Variants in WNT5B observed in about 807,000 individuals in gnomAD.
WNT5B encodes Wnt family member 5B.
A neutral mutation model predicts 36.5 loss-of-function variants in WNT5B; 18 were observed. That is an observed-to-expected ratio of 0.49 (90% CI 0.34 to 0.73). WNT5B has a LOEUF of 0.73. WNT5B is among the 30% of genes least tolerant of loss of function. The pLI is 0.01. For missense variants in WNT5B, 424 were observed against 508.4 expected (o/e 0.83, Z 1.60); for synonymous variants, 213 against 212.3 (o/e 1.00, Z -0.03).
At chr12:1,635,483 C>T (rs1364307910) in intron 3 of WNT5B, among the ~76,000 whole-genome samples, 4 of 152,162 alleles carry the variant, frequency 2.6e-5, no homozygotes, top group African/African-American at 7.2e-5. Context: ...CATAAGGAGG[C>T]GTATTTCAGC....
intron 3 of WNT5B, among the ~76,000 whole-genome samples, chr12:1,635,663 G>A (rs546821561): frequency 4.6e-5 from 7 of 152,342 alleles, no homozygotes; most frequent in African/African-American, 1.7e-4. Flanking sequence ...GTTCCAGGAT[G>A]CCATGTCAGG....
intron 1 of WNT5B, among the ~76,000 whole-genome samples, chr12:1,623,417 C>G (rs897822261): frequency 4.1e-4 from 60 of 147,070 alleles, no homozygotes; most frequent in Middle Eastern, 3.6e-3. Context: ...GGATGGTCTC[C>G]ATCTCCTGAC....
chr12:1,635,567 C>G (rs779998283), intron 3 of WNT5B, among the ~76,000 whole-genome samples: 16 of 152,202 alleles, frequency 1.1e-4, no homozygotes, highest in Non-Finnish European at 1.9e-4. Context: ...GAAAACCTAG[C>G]CCACTGGTCT....
rs765486059 is a variant in WNT5B, at chr12:1,631,403, G to A, written c.49G>A (p.Ala17Thr). The A allele has an allele frequency of 1.2e-6, 2 of 1,614,150 alleles. No individual in the cohort carries two copies. Among genetic ancestry groups the A allele is most frequent in the Non-Finnish European group, 1.7e-6 (2 of 1,180,030 alleles). ...LFTAALLSSW[A>T]QLLTDANSWW... is the part of the protein sequence containing the mutation. ...CACGGCTGCTCTGCTGTCCAGCTGGGCTCAGCTTCTGACAGACGCCAACTC... is the reference window on the plus strand; with the variant it reads ...CACGGCTGCTCTGCTGTCCAGCTGGACTCAGCTTCTGACAGACGCCAACTC... Residue 17 changes from alanine (A) to threonine (T), a missense_variant, in exon 2 of 5, where the codon GCT becomes ACT. By Grantham distance (58) the Ala-to-Thr change is moderately conservative. Coordinates refer to ENST00000397196, the MANE Select transcript of WNT5B (RefSeq NM_032642.3).
chr12:1,625,683 A>T (rs1004715611), upstream of WNT5B, among the ~76,000 whole-genome samples: 1 of 152,162 alleles, frequency 6.6e-6, no homozygotes, highest in African/African-American at 2.4e-5. Context: ...CTTTTTTTTG[A>T]GACGGAGTCT....
intron 1 of WNT5B, among the ~76,000 whole-genome samples, chr12:1,622,865 A>C (rs2094535738): frequency 6.6e-6 from 1 of 152,354 alleles, no homozygotes. Flanking sequence ...AGAAGCTAGA[A>C]ATAGAATGAT....
At chr12:1,624,048 T>A (rs1417431778) in intron 1 of WNT5B, among the ~76,000 whole-genome samples, 1 of 152,208 alleles carries the variant, frequency 6.6e-6, no homozygotes, top group Non-Finnish European at 1.5e-5. Flanking sequence ...GTTTTCTGAC[T>A]TTCACACTAT....
intron 1 of WNT5B, among the ~76,000 whole-genome samples, chr12:1,629,728 T>C (rs2094546507): frequency 6.6e-6 from 1 of 151,788 alleles, no homozygotes; most frequent in Non-Finnish European, 1.5e-5. Context: ...GTGCCAGCCC[T>C]ATCTCTGCTC....
At position 1,631,382 on chromosome 12, in the gene WNT5B, G is replaced by T. The variant is rs146907057; in HGVS notation, c.28G>T (p.Ala10Ser). Reference sequence around the variant, plus strand: ...GCCCAGCCTGCTGCTGCTGTTCACGGCTGCTCTGCTGTCCAGCTGGGCTCA... The same window carrying T: ...GCCCAGCCTGCTGCTGCTGTTCACGTCTGCTCTGCTGTCCAGCTGGGCTCA... MPSLLLLFT[A>S]ALLSSWAQLL... Residue 10 changes from alanine to serine, a missense_variant, in exon 2 of 5, where the codon GCT becomes TCT. Coordinates refer to ENST00000397196, the MANE Select transcript of WNT5B (RefSeq NM_032642.3). 346 of 1,614,182 alleles carry T rather than the reference G, an allele frequency of 2.1e-4. 1 individual carries two copies. Among genetic ancestry groups the T allele is most frequent in the Non-Finnish European group, 2.7e-4 (320 of 1,180,036 alleles).
chr12:1,631,272 T>A, intron 1 of WNT5B, 26 bp from the exon 2 acceptor site: 1 of 1,580,324 alleles, frequency 6.3e-7, no homozygotes. Flanking sequence ...GTTTCCACAC[T>A]GACTCTCCAT....
chr12:1,623,177 G>GTTTTTTTTTTTTTT (rs1565603144), intron 1 of WNT5B, among the ~76,000 whole-genome samples: 8 of 98,184 alleles, frequency 8.1e-5, no homozygotes, highest in African/African-American at 3.4e-4. Flanking sequence ...CCTTTGAAGG[G>GTTTTTTTTTTTTTT]TTTTTTGTTG....
intron 4 of WNT5B, among the ~76,000 whole-genome samples, chr12:1,643,613 G>A (rs11061893): frequency 0.12 from 18,304 of 149,498 alleles, 1,431 homozygotes; most frequent in African/African-American, 0.22. Flanking sequence ...TGATCCGCCC[G>A]CCTTGGCCTC....
At chr12:1,617,327 T>C (rs561275235) in intron 1 of WNT5B, among the ~76,000 whole-genome samples, 70 of 150,608 alleles carry the variant, frequency 4.6e-4, no homozygotes, top group African/African-American at 1.6e-3. Flanking sequence ...ATATATAATA[T>C]GTATATTGAG....
intron 4 of WNT5B, among the ~76,000 whole-genome samples, chr12:1,643,221 A>G (rs1036709924): frequency 1.1e-4 from 16 of 152,140 alleles, no homozygotes; most frequent in African/African-American, 2.4e-4. Context: ...TTTGCCACTC[A>G]AGGATTTCTA....
upstream of WNT5B, among the ~76,000 whole-genome samples, chr12:1,626,131 G>A (rs12815474): frequency 4.7e-4 from 71 of 151,512 alleles, no homozygotes; most frequent in African/African-American, 1.7e-3. Flanking sequence ...GCTAACTTTA[G>A]ATTTTTTTGT....
chr12:1,641,797 G>GA (rs1224869912), intron 4 of WNT5B, among the ~76,000 whole-genome samples: 15 of 151,836 alleles, frequency 9.9e-5, no homozygotes, highest in Middle Eastern at 3.4e-3. Context: ...CTCTGTCTCA[G>GA]AAAAAAATAG....
At chr12:1,622,261 C>T (rs1050837900) in intron 1 of WNT5B, among the ~76,000 whole-genome samples, 5 of 152,222 alleles carry the variant, frequency 3.3e-5, no homozygotes, top group African/African-American at 4.8e-5. Flanking sequence ...CAGGCGCCCG[C>T]CACCACGCCC....
chr12:1,642,059 A>G (rs941273816), intron 4 of WNT5B, among the ~76,000 whole-genome samples: 1 of 152,130 alleles, frequency 6.6e-6, no homozygotes, highest in Non-Finnish European at 1.5e-5. Flanking sequence ...GGGTGTGTGT[A>G]AGGTGGGGTC....
Position 1,639,782 on chromosome 12 carries a change from T to TGCAGCCGGAC in WNT5B, c.429_438dup (p.Ala147GlnfsTer68). On this transcript the variant is annotated frameshift_variant, in exon 4 of 5. Transcript: ENST00000397196. LOFTEE classifies it high-confidence loss of function. ...CGAGGGCGAGCTCTCCACCTGCGGC[T>TGCAGCCGGAC]GCAGCCGGACGGCGCGGCCCAAGGA... 6.2e-7 allele frequency: 1 copy of TGCAGCCGGAC among 1,610,504 alleles called. No individual in the cohort carries two copies. Among genetic ancestry groups the TGCAGCCGGAC allele is most frequent in the Non-Finnish European group, 8.5e-7 (1 of 1,178,402 alleles).
Sources: gnomAD v4.1 joint callset for allele counts (sites outside exome capture counted in the v4.1 genomes callset) on GRCh38, gnomAD v4.1.1 for gene constraint, MANE v1.5 for transcripts, NCBI Gene and HGNC (gene_info 2026-07-23, HGNC 2026-07-21) for gene names.